MLLT3: variants seen among roughly 807,000 people sequenced by gnomAD.
The protein encoded by MLLT3 is protein AF-9.
A neutral mutation model predicts 53.2 loss-of-function variants in MLLT3; 4 were observed. The observed-to-expected ratio is 0.08, with a 90% CI of 0.04 to 0.17. The LOEUF is 0.17. MLLT3 is among the 10% of genes least tolerant of loss of function. The probability of loss-of-function intolerance (pLI) is 1.00; values close to 1 mark genes in which losing one functional copy is unlikely to be tolerated. For synonymous variants in MLLT3, 283 were observed against 230.6 expected (o/e 1.23, Z -2.06); for missense variants, 569 against 684.0 (o/e 0.83, Z 1.87).
chr9:20,611,946 G>C (rs1820714412), intron 2 of MLLT3, among the ~76,000 whole-genome samples: 1 of 152,082 alleles, frequency 6.6e-6, no homozygotes, highest in Non-Finnish European at 1.5e-5. Flanking sequence ...TTTTTCTAAT[G>C]ATTTAATCTC....
intron 2 of MLLT3, among the ~76,000 whole-genome samples, chr9:20,608,450 T>C (rs1019040033): frequency 3.9e-5 from 6 of 152,002 alleles, no homozygotes; most frequent in Non-Finnish European, 5.9e-5. Context: ...CACATGGGTA[T>C]CTTTCTGTTA....
At chr9:20,587,597 G>C (rs1820007902) in intron 2 of MLLT3, among the ~76,000 whole-genome samples, 1 of 152,268 alleles carries the variant, frequency 6.6e-6, no homozygotes, top group Middle Eastern at 3.4e-3. Flanking sequence ...CAAATACAGA[G>C]AAATCCTTTA....
chr9:20,499,591 C>T (rs756610044), intron 2 of MLLT3, among the ~76,000 whole-genome samples: 3 of 152,176 alleles, frequency 2.0e-5, no homozygotes, highest in Admixed American at 6.5e-5. Context: ...GAGATACCTT[C>T]GAAATCATTT....
intron 2 of MLLT3, among the ~76,000 whole-genome samples, chr9:20,601,696 A>G (rs1477159434): frequency 6.9e-6 from 1 of 144,990 alleles, no homozygotes; most frequent in Non-Finnish European, 1.5e-5. Context: ...TAGCTTCAAT[A>G]AAAACTTCCT....
chr9:20,447,454 T>C lies in MLLT3; in HGVS notation c.420+669A>G, dbSNP rs574251770. ...CCAGTGACACTCATTGTCAAATAGA[T>C]TTTGACCAATCAATAGTGTTTGTAC... On this transcript the variant is annotated intron_variant, in intron 4 of 10. Coordinates refer to ENST00000380338, the MANE Select transcript of MLLT3 (RefSeq NM_004529.4). Among the ~76,000 whole-genome samples the C allele has an allele frequency of 2.0e-5, 3 of 152,308 alleles. No homozygotes were observed. The South Asian group carries it at 6.2e-4, about 32-fold the overall frequency.
At position 20,618,498 on chromosome 9, in the gene MLLT3, A is replaced by G. The variant is rs539260764; in HGVS notation, c.193+2156T>C. Among the ~76,000 whole-genome samples, 6 of 152,306 alleles carry G rather than the reference A, an allele frequency of 3.9e-5. No individual in the cohort carries two copies. In the South Asian group the frequency reaches 1.2e-3, roughly 32 times the overall value. ...GGTGATGTAAGCTGGCACTTTTCCC[A>G]GGACTTGTCACATCATGGGAAGCAC... On this transcript the variant is annotated intron_variant, in intron 2 of 10. Transcript: ENST00000380338.
At chr9:20,434,776 C>CA (rs1233781771) in intron 4 of MLLT3, among the ~76,000 whole-genome samples, 8 of 151,838 alleles carry the variant, frequency 5.3e-5, no homozygotes, top group Non-Finnish European at 1.2e-4. Context: ...ACAGAGCAAA[C>CA]AAAAAACAAG....
At chr9:20,615,620 T>C (rs1820813129) in intron 2 of MLLT3, among the ~76,000 whole-genome samples, 1 of 151,946 alleles carries the variant, frequency 6.6e-6, no homozygotes, top group African/African-American at 2.4e-5. Flanking sequence ...GATTGTAGGC[T>C]GAATACTTTC....
At chr9:20,595,019 T>G (rs1267622013) in intron 2 of MLLT3, among the ~76,000 whole-genome samples, 1 of 152,066 alleles carries the variant, frequency 6.6e-6, no homozygotes, top group South Asian at 2.1e-4. Context: ...TTTTGTTTCT[T>G]TACTTCTCTA....
At chr9:20,619,923 G>T (rs1474001919) in intron 2 of MLLT3, among the ~76,000 whole-genome samples, 1 of 152,026 alleles carries the variant, frequency 6.6e-6, no homozygotes, top group Non-Finnish European at 1.5e-5. Context: ...ACTTAGCTTC[G>T]ACCTTTGCAA....
chr9:20,549,570 A>C (rs546180696), intron 2 of MLLT3, among the ~76,000 whole-genome samples: 1 of 152,354 alleles, frequency 6.6e-6, no homozygotes, highest in African/African-American at 2.4e-5. Context: ...AAGATGAAGA[A>C]AGTATGGAAA....
chr9:20,358,137 A>C (rs1343219182), intron 8 of MLLT3, among the ~76,000 whole-genome samples: 1 of 152,118 alleles, frequency 6.6e-6, no homozygotes, highest in Non-Finnish European at 1.5e-5. Flanking sequence ...ATTTTTTTTA[A>C]GTCCCAGAAG....
At chr9:20,418,971 C>G (rs1171789912) in intron 4 of MLLT3, among the ~76,000 whole-genome samples, 1 of 152,116 alleles carries the variant, frequency 6.6e-6, no homozygotes, top group African/African-American at 2.4e-5. Context: ...GTTGAGATGC[C>G]TGTACCTTTC....
At chr9:20,598,182 G>A (rs996409826) in intron 2 of MLLT3, among the ~76,000 whole-genome samples, 2 of 152,274 alleles carry the variant, frequency 1.3e-5, no homozygotes, top group Non-Finnish European at 2.9e-5. Flanking sequence ...ATAAAATGCT[G>A]TAGAAACCAA....
At chr9:20,594,592 T>C (rs1820206467) in intron 2 of MLLT3, among the ~76,000 whole-genome samples, 2 of 152,148 alleles carry the variant, frequency 1.3e-5, no homozygotes, top group African/African-American at 4.8e-5. Context: ...TAAGGCAGTC[T>C]TAGTCACAGG....
At chr9:20,382,286 T>C (rs1199817340) in intron 5 of MLLT3, 1 of 151,866 alleles carries the variant, frequency 6.6e-6, no homozygotes, top group Non-Finnish European at 1.5e-5. Flanking sequence ...CCAGAAGCTA[T>C]CTTGCCTATG....
intron 2 of MLLT3, among the ~76,000 whole-genome samples, chr9:20,518,900 A>G (rs1355960800): frequency 6.6e-6 from 1 of 152,244 alleles, no homozygotes; most frequent in East Asian, 1.9e-4. Context: ...GAAACATGAC[A>G]ACTAACTGCA....
rs533534292 is a variant in MLLT3 at position 20,350,430 on chromosome 9, C to T, written c.1575+3095G>A. 2.0e-3 allele frequency among the ~76,000 whole-genome samples: 310 copies of T among 151,798 alleles called. 3 individuals carry two copies. Among genetic ancestry groups the T allele is most frequent in the African/African-American group, 7.1e-3 (292 of 41,198 alleles). On this transcript the variant is annotated intron_variant, in intron 10 of 10. Coordinates refer to ENST00000380338, the MANE Select transcript of MLLT3 (RefSeq NM_004529.4). ...CTAAAACGGTGAAACCCCGTCTCTA[C>T]TAAAAATACAAAAAATTAGCCGGGC...
At chr9:20,532,474 C>T (rs942872646) in intron 2 of MLLT3, 2 of 180,960 alleles carry the variant, frequency 1.1e-5, no homozygotes, top group Non-Finnish European at 2.3e-5. Flanking sequence ...ACATTTTCAA[C>T]TTGTATCATA....
Sources: gnomAD v4.1 joint callset for allele counts (sites outside exome capture counted in the v4.1 genomes callset) on GRCh38, gnomAD v4.1.1 for gene constraint, MANE v1.5 for transcripts, NCBI Gene and HGNC (gene_info 2026-07-23, HGNC 2026-07-21) for gene names.